Variants in STRBP observed in about 807,000 individuals in gnomAD.
STRBP encodes the protein spermatid perinuclear RNA-binding protein.
STRBP carries 13 observed loss-of-function variants against 80.1 expected under a neutral mutation model. That is an observed-to-expected ratio of 0.16 (90% CI 0.11 to 0.26). The LOEUF is 0.26. STRBP is among the 10% of genes least tolerant of loss of function. The pLI, the probability that STRBP is intolerant of heterozygous loss-of-function variation, is 1.00. For missense variants in STRBP, 485 were observed against 815.2 expected (o/e 0.59, Z 4.93); for synonymous variants, 284 against 291.2 (o/e 0.98, Z 0.25).
At chr9:123,111,993 G>T in intron 3 of STRBP, 1 of 180,210 alleles carries the variant, frequency 5.5e-6, no homozygotes. Context: ...AGAGGAAGCA[G>T]CACCCAGTTT....
intron 6 of STRBP, among the ~76,000 whole-genome samples, chr9:123,161,439 G>C (rs1297609787): frequency 1.3e-5 from 2 of 152,006 alleles, no homozygotes; most frequent in Non-Finnish European, 2.9e-5. Flanking sequence ...GGGAAATCTG[G>C]GACCAATAGC....
rs1351867929 is a variant in STRBP at position 123,122,602 on chromosome 9, T to C, written c.*2995A>G. 3 of 1,087,158 alleles carry C rather than the reference T, an allele frequency of 2.8e-6. No individual in the cohort carries two copies. The highest frequency in any genetic ancestry group is 3.4e-6 in the Non-Finnish European group (3 of 891,266). The allele number at this position is 1,087,158 out of a possible 1,614,324, so 67.3% of individuals were successfully genotyped here. On this transcript the variant is annotated 3_prime_UTR_variant, in exon 19 of 19. Coordinates refer to ENST00000348403, the MANE Select transcript of STRBP (RefSeq NM_018387.5). ...CTTCATCTAGTCAGCATGAGGTATG[T>C]TGGAAATCTACTGGACCAATTACCT...
At chr9:123,240,091 AC>A (rs2040660759) in intron 1 of STRBP, among the ~76,000 whole-genome samples, 1 of 152,160 alleles carries the variant, frequency 6.6e-6, no homozygotes, top group Non-Finnish European at 1.5e-5. Context: ...CCTAAGTCCT[AC>A]TTATTCTTCA....
intron 2 of STRBP, among the ~76,000 whole-genome samples, chr9:123,218,638 G>A (rs1006493374): frequency 1.3e-5 from 2 of 151,960 alleles, no homozygotes; most frequent in Admixed American, 1.3e-4. Flanking sequence ...CAAAGTGCTG[G>A]GATTACAGGC....
chr9:123,219,502 T>C (rs2040004912), intron 2 of STRBP, among the ~76,000 whole-genome samples: 1 of 152,234 alleles, frequency 6.6e-6, no homozygotes, highest in South Asian at 2.1e-4. Flanking sequence ...AAATTGAATG[T>C]TTTCAACATG....
intron 1 of STRBP, among the ~76,000 whole-genome samples, chr9:123,264,080 G>T (rs1278484018): frequency 6.6e-6 from 1 of 152,184 alleles, no homozygotes; most frequent in Non-Finnish European, 1.5e-5. Context: ...TCGGGAGGCT[G>T]GGGCAGGAGA....
intron 1 of STRBP, among the ~76,000 whole-genome samples, chr9:123,250,965 C>G (rs2040901681): frequency 1.3e-5 from 2 of 151,944 alleles, no homozygotes; most frequent in South Asian, 4.1e-4. Context: ...AAACAAAAAA[C>G]AAAAAATTTT....
intron 1 of STRBP, among the ~76,000 whole-genome samples, chr9:123,246,581 A>G (rs1033845610): frequency 1.3e-5 from 2 of 152,226 alleles, no homozygotes; most frequent in Non-Finnish European, 2.9e-5. Context: ...CAGCCCAGGA[A>G]AATTAAGTAA....
intron 13 of STRBP, among the ~76,000 whole-genome samples, chr9:123,141,289 G>C (rs1026485254): frequency 5.9e-5 from 9 of 152,190 alleles, no homozygotes; most frequent in African/African-American, 2.2e-4. Context: ...AATTCATATG[G>C]AGAACTTGGC....
At chr9:123,132,995 TGAAA>T (rs1445146290) in intron 16 of STRBP, 27 bp from the exon 17 acceptor site, 1 of 1,606,518 alleles carries the variant, frequency 6.2e-7, no homozygotes, top group South Asian at 1.1e-5. Context: ...TTTTCATTAC[TGAAA>T]GAAATAAGAA....
chr9:123,268,019 T>A (rs1353167279), intron 1 of STRBP, among the ~76,000 whole-genome samples: 1 of 129,162 alleles, frequency 7.7e-6, no homozygotes, highest in African/African-American at 3.0e-5. Context: ...ACCTTCCGCC[T>A]GCCCCCCGAA....
intron 2 of STRBP, among the ~76,000 whole-genome samples, chr9:123,236,059 T>G (rs184529852): frequency 3.9e-5 from 6 of 152,308 alleles, no homozygotes; most frequent in Admixed American, 3.3e-4. Flanking sequence ...CAACACACTT[T>G]GAATACAAAA....
intron 1 of STRBP, among the ~76,000 whole-genome samples, chr9:123,251,691 T>C (rs1435179246): frequency 1.7e-4 from 26 of 152,320 alleles, no homozygotes; most frequent in Non-Finnish European, 4.4e-5. Context: ...ACAGTTACAG[T>C]GTAAAAGTCC....
rs2035859440 is a variant in STRBP at position 123,125,531 on chromosome 9, G to A, written c.*66C>T. On this transcript the variant is annotated 3_prime_UTR_variant, in exon 19 of 19. Transcript: ENST00000348403. ...TGTTCAAAGAAAGCAGGATAAAAAG[G>A]CTTTTTCTCTAACATTCTGTGTTGT... 1 of 1,440,430 alleles carries A rather than the reference G, an allele frequency of 6.9e-7. No homozygotes were observed. The highest frequency in any genetic ancestry group is 9.2e-7 in the Non-Finnish European group (1 of 1,090,022). The allele number at this position is 1,440,430 out of a possible 1,614,324, so 89.2% of individuals were successfully genotyped here. A position where few individuals can be genotyped will look rare whatever the true frequency, so the allele number is the denominator to read the frequency against.
At chr9:123,171,117 C>T (rs1052595553) in intron 5 of STRBP, among the ~76,000 whole-genome samples, 1 of 152,112 alleles carries the variant, frequency 6.6e-6, no homozygotes, top group Non-Finnish European at 1.5e-5. Flanking sequence ...TTCATTTTGT[C>T]ACTAAAAGAG....
intron 1 of STRBP, among the ~76,000 whole-genome samples, chr9:123,242,230 C>T (rs111999246): frequency 1.3e-5 from 2 of 152,168 alleles, no homozygotes; most frequent in Non-Finnish European, 2.9e-5. Flanking sequence ...TGAGGTATAT[C>T]GTTATTATTC....
chr9:123,227,633 T>C (rs2132570845), intron 2 of STRBP, among the ~76,000 whole-genome samples: 1 of 150,580 alleles, frequency 6.6e-6, no homozygotes. Context: ...TGGTGCAATC[T>C]TGGCTCACTG....
rs774387078 is a variant in STRBP, at chr9:123,173,695, A to G, written c.372T>C (p.Asn124=). Residue 124 remains asparagine, a synonymous_variant, in exon 5 of 19, where the codon AAT becomes AAC. Coordinates refer to ENST00000348403, the MANE Select transcript of STRBP (RefSeq NM_018387.5). ...TACTCACCTGAATCTGAATAGGAAG[A>G]TTATCTTTGACTGTATTTAACAGGG... ...TETLLNTVKD[N]LPIQIQKLTE... 1.2e-6 allele frequency: 2 copies of G among 1,612,234 alleles called. No homozygotes were observed. The highest frequency in any genetic ancestry group is 1.7e-5 in the Admixed American group (1 of 59,590).
chr9:123,183,047 C>T (rs1201223070), intron 3 of STRBP, among the ~76,000 whole-genome samples: 1 of 149,234 alleles, frequency 6.7e-6, no homozygotes, highest in African/African-American at 2.5e-5. Context: ...AACAAAAAAT[C>T]AAAAAAATCA....
Sources: gnomAD v4.1 joint callset for allele counts (sites outside exome capture counted in the v4.1 genomes callset) on GRCh38, gnomAD v4.1.1 for gene constraint, MANE v1.5 for transcripts, NCBI Gene and HGNC (gene_info 2026-07-23, HGNC 2026-07-21) for gene names.